ERCC4: variants seen among roughly 807,000 people sequenced by gnomAD.
The protein encoded by ERCC4 is DNA repair endonuclease XPF.
Under a neutral mutation model 76.9 loss-of-function variants are expected in ERCC4, and 65 were observed. That is an observed-to-expected ratio of 0.84 (90% confidence interval 0.69 to 1.04). The LOEUF is 1.04. Among genes scored for constraint, ERCC4 ranks in the 50% least tolerant of loss-of-function variants. The pLI is 0.00. For synonymous variants in ERCC4, 463 were observed against 410.1 expected, an observed-to-expected ratio of 1.13 and a Z score of -1.56; for missense variants, 1,214 against 1,128.2, an observed-to-expected ratio of 1.08 and a Z score of -1.09.
At chr16:13,921,592 A>G (rs1016842007) in intron 1 of ERCC4, among the ~76,000 whole-genome samples, 2 of 152,242 alleles carry the variant, frequency 1.3e-5, no homozygotes, top group Admixed American at 1.3e-4. Flanking sequence ...ACCCAGTGAC[A>G]TGAAGTCCCT....
At chr16:13,938,875 TG>T (rs1449967494) in intron 9 of ERCC4, among the ~76,000 whole-genome samples, 1 of 152,082 alleles carries the variant, frequency 6.6e-6, no homozygotes, top group Non-Finnish European at 1.5e-5. Context: ...TTCTTGGAAA[TG>T]GGGGTATTTG....
intron 9 of ERCC4, among the ~76,000 whole-genome samples, chr16:13,942,715 C>T (rs2032439438): frequency 6.6e-6 from 1 of 152,178 alleles, no homozygotes; most frequent in Non-Finnish European, 1.5e-5. Context: ...ACTTTGGAAC[C>T]GGAATCTGTA....
intron 6 of ERCC4, chr16:13,932,526 C>A: frequency 1.8e-6 from 1 of 569,592 alleles, no homozygotes. Context: ...CCAGGGCTTC[C>A]AAATAACAGA....
chr16:13,931,943 T>G, intron 5 of ERCC4: 1 of 575,940 alleles, frequency 1.7e-6, no homozygotes, highest in African/African-American at 1.9e-5. Context: ...CACATAGCCC[T>G]GAAAATATCT....
Position 13,935,517 on chromosome 16 carries a change from A to G in ERCC4, c.1585A>G (p.Ile529Val). 6.2e-7 allele frequency: 1 copy of G among 1,614,194 alleles called. No individual in the cohort carries two copies. The highest frequency in any genetic ancestry group is 2.2e-5 in the East Asian group (1 of 44,876). Residue 529 changes from isoleucine to valine, a missense_variant, in exon 8 of 11, where the codon ATT becomes GTT. Coordinates refer to ENST00000311895, the MANE Select transcript of ERCC4 (RefSeq NM_005236.3). ...TAGCCCAGAAAGCTGCCCGGAAGAAATTAAGCATGAAGAATTTGATGTAAA... is the reference window on the plus strand; with the variant it reads ...TAGCCCAGAAAGCTGCCCGGAAGAAGTTAAGCATGAAGAATTTGATGTAAA... ...SSSPESCPEE[I>V]KHEEFDVNLS...
intron 2 of ERCC4, among the ~76,000 whole-genome samples, chr16:13,924,424 A>G (rs1042042230): frequency 2.0e-5 from 3 of 152,172 alleles, no homozygotes; most frequent in African/African-American, 7.2e-5. Context: ...TGGGAAATAT[A>G]TATGTATTTT....
chr16:13,948,113 C>G lies in ERCC4; in HGVS notation c.2517C>G (p.Pro839=), dbSNP rs200715555. ...TTACAGCAGATTCTGAAACCCTTCCCGAGTCAGAGAAGTATAATCCTGGTC... is the reference window on the plus strand; with the variant it reads ...TTACAGCAGATTCTGAAACCCTTCCGGAGTCAGAGAAGTATAATCCTGGTC... ...LAITADSETL[P]ESEKYNPGPQ... Residue 839 remains proline, a synonymous_variant, in exon 11 of 11, where the codon CCC becomes CCG. Transcript: ENST00000311895. The G allele has an allele frequency of 6.2e-7, 1 of 1,614,130 alleles. No individual in the cohort carries two copies. The highest frequency in any genetic ancestry group is 1.1e-5 in the South Asian group (1 of 91,076).
chr16:13,928,000 A>G, intron 3 of ERCC4, 28 bp from the exon 4 acceptor site: 1 of 1,564,704 alleles, frequency 6.4e-7, no homozygotes, highest in South Asian at 1.1e-5. Context: ...AACTCTAGAA[A>G]ATTGTTGAAA....
chr16:13,950,345 AT>A lies in ERCC4; in HGVS notation c.*2002del. The A allele has an allele frequency of 5.3e-6, 1 of 188,320 alleles. No homozygotes were observed. The highest frequency in any genetic ancestry group is 8.5e-5 in the East Asian group (1 of 11,698). 11.7% of individuals were successfully genotyped at this position (188,320 alleles called of 1,614,324 possible). On this transcript the variant is annotated 3_prime_UTR_variant, in exon 11 of 11. Coordinates refer to ENST00000311895, the MANE Select transcript of ERCC4 (RefSeq NM_005236.3). ...TATTGGTACTTAACAGTATATATGG[AT>A]TTTGAACTCTACACAAGGGTATAAC...
rs551285375 is a variant in ERCC4 at position 13,950,081 on chromosome 16, C to G, written c.*1734C>G. ...GTTCAAGCAGTTCTCCCACCTCAGCCTCCCAAGTAGCTGGGATTATAGGTG... is the reference window on the plus strand; with the variant it reads ...GTTCAAGCAGTTCTCCCACCTCAGCGTCCCAAGTAGCTGGGATTATAGGTG... On this transcript the variant is annotated 3_prime_UTR_variant, in exon 11 of 11. Coordinates refer to ENST00000311895, the MANE Select transcript of ERCC4 (RefSeq NM_005236.3). 3 of 192,150 alleles carry G rather than the reference C, an allele frequency of 1.6e-5. No homozygotes were observed. Among genetic ancestry groups the G allele is most frequent in the Non-Finnish European group, 3.3e-5 (3 of 91,974 alleles). The allele number at this position is 192,150 out of a possible 1,614,324, so 11.9% of individuals were successfully genotyped here. A position where few individuals can be genotyped will look rare whatever the true frequency, so the allele number is the denominator to read the frequency against.
At chr16:13,926,191 A>G (rs573860878) in intron 2 of ERCC4, among the ~76,000 whole-genome samples, 5 of 151,716 alleles carry the variant, frequency 3.3e-5, no homozygotes, top group Non-Finnish European at 7.4e-5. Context: ...ACCCCACCCC[A>G]GGGCCTGTGC....
In ERCC4 at chr16:13,926,676, T is replaced by G; in HGVS notation, c.504T>G (p.Ala168=). 1 of 1,614,142 alleles carries G rather than the reference T, an allele frequency of 6.2e-7. No homozygotes were observed. Among genetic ancestry groups the G allele is most frequent in the Non-Finnish European group, 8.5e-7 (1 of 1,179,962 alleles). The change falls in exon 3 of 11, where the codon GCT becomes GCG. Residue 168 remains alanine, a synonymous_variant. Coordinates refer to ENST00000311895, the MANE Select transcript of ERCC4 (RefSeq NM_005236.3). ...RGFIKAFTDN[A]VAFDTGFCHV... ...TTATTAAAGCTTTCACAGACAATGC[T>G]GTTGCCTTTGATACTGGTTTTTGTC...
Position 13,950,226 on chromosome 16 carries a change from G to T in ERCC4, c.*1879G>T, listed in dbSNP as rs1452037786. ...TCCACCCACCTTGGCCTCCCAAAGT[G>T]CTGAGATAACAGGCGTGAGCCACCG... On this transcript the variant is annotated 3_prime_UTR_variant, in exon 11 of 11. Transcript: ENST00000311895. The T allele has an allele frequency of 1.1e-5, 2 of 188,994 alleles. No homozygotes were observed. Among genetic ancestry groups the T allele is most frequent in the Admixed American group, 6.2e-5 (1 of 16,208 alleles). 11.7% of individuals were successfully genotyped at this position (188,994 alleles called of 1,614,324 possible).
chr16:13,932,398 GATAA>G (rs2032190936), intron 6 of ERCC4, 113 bp downstream of exon 6: 5 of 934,992 alleles, frequency 5.3e-6, no homozygotes, highest in African/African-American at 1.7e-5. Flanking sequence ...GTTCCTTGAA[GATAA>G]ATGTATGTAT....
chr16:13,950,872 C>T lies in ERCC4; in HGVS notation c.*2525C>T, dbSNP rs1007249212. On this transcript the variant is annotated 3_prime_UTR_variant, in exon 11 of 11. Coordinates refer to ENST00000311895, the MANE Select transcript of ERCC4 (RefSeq NM_005236.3). ...TACCATTTTCAACCGTCCTTGTTAT[C>T]TAGTACAACATAAATAACAGTCTTA... 2 of 196,852 alleles carry T rather than the reference C, an allele frequency of 1.0e-5. No individual in the cohort carries two copies. Among genetic ancestry groups the T allele is most frequent in the African/African-American group, 4.6e-5 (2 of 43,340 alleles). 12.2% of individuals were successfully genotyped at this position (196,852 alleles called of 1,614,324 possible).
Position 13,935,208 on chromosome 16 carries a change from C to T in ERCC4, c.1276C>T (p.Leu426Phe), listed in dbSNP as rs1344869809. 6.2e-7 allele frequency: 1 copy of T among 1,614,082 alleles called. No homozygotes were observed. The highest frequency in any genetic ancestry group is 2.2e-5 in the East Asian group (1 of 44,886). Residue 426 changes from leucine to phenylalanine, a missense_variant, in exon 8 of 11, where the codon CTT (leucine) becomes TTT (phenylalanine). Coordinates refer to ENST00000311895, the MANE Select transcript of ERCC4 (RefSeq NM_005236.3). ...TTCCCAGCTGAGAGACTATATCACT[C>T]TTGGAGCGGAGGCCTTCTTATTGAG... ...TCSQLRDYITLGAEAFLLRLY... is the reference protein window; with the variant it reads ...TCSQLRDYITFGAEAFLLRLY...
At chr16:13,932,635 G>T in intron 6 of ERCC4, 1 of 350,272 alleles carries the variant, frequency 2.9e-6, no homozygotes, top group South Asian at 3.6e-5. Context: ...ATGAGGTTGG[G>T]GCATGGTGGC....
intron 9 of ERCC4, among the ~76,000 whole-genome samples, chr16:13,938,515 C>G (rs1005147729): frequency 2.0e-5 from 3 of 152,136 alleles, no homozygotes; most frequent in African/African-American, 7.2e-5. Context: ...AACCACCTAC[C>G]AGGGATATTG....
intron 9 of ERCC4, among the ~76,000 whole-genome samples, chr16:13,941,011 G>A (rs925305604): frequency 6.6e-6 from 1 of 152,172 alleles, no homozygotes; most frequent in South Asian, 2.1e-4. Flanking sequence ...GTGCATCAGG[G>A]AATCTAATCT....
Sources: allele counts gnomAD v4.1 joint callset (sites outside exome capture counted in the v4.1 genomes callset), GRCh38; gene constraint gnomAD v4.1.1; transcripts MANE v1.5; gene names NCBI Gene and HGNC (gene_info 2026-07-23, HGNC 2026-07-21).